Variants in TANK observed in about 807,000 individuals in gnomAD.
TANK encodes TRAF family member-associated NF-kappa-B activator.
Under a neutral mutation model 43.6 loss-of-function variants are expected in TANK, and 15 were observed. The ratio of observed to expected loss-of-function variants is 0.34; its 90% confidence interval spans 0.23 to 0.53. The LOEUF (loss-of-function observed/expected upper bound fraction) is 0.53. Ranked by LOEUF, TANK falls within the 20% of genes least tolerant of loss-of-function variation. The pLI is 0.94. For missense variants in TANK, 417 were observed against 498.6 expected, an observed-to-expected ratio of 0.84 and a Z score of 1.56; for synonymous variants, 162 against 178.2, an observed-to-expected ratio of 0.91 and a Z score of 0.73.
At chr2:161,185,264 C>G (rs1291746392) in intron 2 of TANK, among the ~76,000 whole-genome samples, 4 of 151,994 alleles carry the variant, frequency 2.6e-5, no homozygotes, top group Admixed American at 6.6e-5. Flanking sequence ...ACCAGATATC[C>G]AAGAAATCTA....
chr2:161,201,330 G>C, intron 2 of TANK: 1 of 886,744 alleles, frequency 1.1e-6, no homozygotes, highest in African/African-American at 1.8e-5. Flanking sequence ...ATGTGCTAAA[G>C]TATGTTTTTT....
At chr2:161,185,627 C>T (rs1685623093) in intron 2 of TANK, among the ~76,000 whole-genome samples, 2 of 147,186 alleles carry the variant, frequency 1.4e-5, no homozygotes, top group Non-Finnish European at 1.5e-5. Context: ...AAACCAAACA[C>T]CGCATATTCT....
chr2:161,221,695 A>C (rs1687352903), intron 4 of TANK, among the ~76,000 whole-genome samples: 1 of 151,544 alleles, frequency 6.6e-6, no homozygotes, highest in African/African-American at 2.4e-5. Flanking sequence ...GTAACATGTT[A>C]AGAGGTGCCT....
intron 1 of TANK, among the ~76,000 whole-genome samples, chr2:161,153,343 T>G: frequency 6.6e-6 from 1 of 152,048 alleles, no homozygotes. Context: ...GCCTTCTCAG[T>G]ATGAACTTTT....
At position 161,204,751 on chromosome 2, in the gene TANK, A is replaced by G. The variant is rs1278266495; in HGVS notation, c.285A>G (p.Gln95=). The G allele has an allele frequency of 3.1e-6, 5 of 1,606,366 alleles. No homozygotes were observed. The highest frequency in any genetic ancestry group is 2.3e-5 in the East Asian group (1 of 44,258). Residue 95 remains glutamine (Q), a synonymous_variant, in exon 4 of 8, where the codon CAA becomes CAG. Transcript: ENST00000392749. ...RKNNLTLDQP[Q]DKVISGIARE... ...ATAATTTGACTCTTGATCAGCCACAAGATAAAGTGATTTCAGGAATAGCAA... is the reference window on the plus strand; with the variant it reads ...ATAATTTGACTCTTGATCAGCCACAGGATAAAGTGATTTCAGGAATAGCAA...
At chr2:161,230,356 A>T (rs1006803451) in intron 6 of TANK, among the ~76,000 whole-genome samples, 4 of 152,096 alleles carry the variant, frequency 2.6e-5, no homozygotes, top group Non-Finnish European at 4.4e-5. Context: ...GGTCTTTTTT[A>T]AAAAAAGATA....
chr2:161,216,519 G>T, intron 4 of TANK: 5 of 404,918 alleles, frequency 1.2e-5, no homozygotes, highest in East Asian at 8.3e-5. Flanking sequence ...TTTGATAAAT[G>T]TTCATTCCCC....
intron 1 of TANK, among the ~76,000 whole-genome samples, chr2:161,150,105 T>C (rs1005795937): frequency 2.0e-5 from 3 of 152,168 alleles, no homozygotes; most frequent in Non-Finnish European, 2.9e-5. Flanking sequence ...TATCTGGTCC[T>C]GATGGCTTCT....
Position 161,204,698 on chromosome 2 carries a change from C to T in TANK, c.232C>T (p.Leu78=). ...TQDNNYGCVP[L]LEDSETRKNN... is the part of the protein sequence containing the mutation. Reference sequence around the variant, plus strand: ...AGATAACAATTATGGCTGTGTTCCTCTGCTTGAAGACAGTGAAACAAGAAA... The same window carrying T: ...AGATAACAATTATGGCTGTGTTCCTTTGCTTGAAGACAGTGAAACAAGAAA... Residue 78 remains leucine, a synonymous_variant, in exon 4 of 8, where the codon CTG becomes TTG. Transcript: ENST00000392749. The T allele has an allele frequency of 6.2e-7, 1 of 1,610,202 alleles. No homozygotes were observed. Among genetic ancestry groups the T allele is most frequent in the East Asian group, 2.3e-5 (1 of 44,440 alleles).
intron 2 of TANK, chr2:161,201,291 A>G: frequency 3.3e-6 from 3 of 912,202 alleles, no homozygotes; most frequent in Non-Finnish European, 3.9e-6. Flanking sequence ...TTTCAGGATT[A>G]TTTATTTATT....
At chr2:161,197,620 G>A (rs57635927) in intron 2 of TANK, 5,641 of 155,518 alleles carry the variant, frequency 0.036, 223 homozygotes, top group East Asian at 0.17. Context: ...GTCTGGTGAG[G>A]GCCCAGTCTC....
chr2:161,160,501 T>G lies in TANK; in HGVS notation c.-50+15T>G. ...GCGTGAACTGTGTGAGTAAGAAACT[T>G]TGTGAATTGGTGTGTCCGAATCCGT... is the stretch of plus-strand genomic sequence containing the variant. On this transcript the variant is annotated intron_variant, in intron 1 of 7. Coordinates refer to ENST00000392749, the MANE Select transcript of TANK (RefSeq NM_001199135.3). The G allele has an allele frequency of 1.6e-6, 2 of 1,255,322 alleles. No individual in the cohort carries two copies. Among genetic ancestry groups the G allele is most frequent in the Non-Finnish European group, 2.0e-6 (2 of 998,522 alleles). The allele number at this position is 1,255,322 out of a possible 1,614,324, so 77.8% of individuals were successfully genotyped here. A position where few individuals can be genotyped will look rare whatever the true frequency, so the allele number is the denominator to read the frequency against.
chr2:161,182,058 TCA>T (rs1484036457), intron 2 of TANK, among the ~76,000 whole-genome samples: 48 of 152,064 alleles, frequency 3.2e-4, no homozygotes, highest in African/African-American at 1.1e-3. Flanking sequence ...CAGGAGAACG[TCA>T]CAGAATTGAA....
chr2:161,225,390 T>C (rs150791391), intron 6 of TANK, among the ~76,000 whole-genome samples: 181 of 152,322 alleles, frequency 1.2e-3, no homozygotes, highest in African/African-American at 4.2e-3. Flanking sequence ...TCAAATTTCC[T>C]GAGTGCTAGT....
At chr2:161,153,660 C>T (rs1158569856) in intron 1 of TANK, among the ~76,000 whole-genome samples, 1 of 133,030 alleles carries the variant, frequency 7.5e-6, no homozygotes, top group African/African-American at 2.8e-5. Flanking sequence ...GCACTCCAGC[C>T]TGGGTGACAA....
intron 4 of TANK, chr2:161,207,560 A>G (rs1182839722): frequency 1.7e-5 from 17 of 984,016 alleles, no homozygotes; most frequent in Non-Finnish European, 2.1e-5. Flanking sequence ...AAAAGAATGG[A>G]TAAATTAGAT....
chr2:161,216,561 G>T (rs1030005520), intron 4 of TANK: 7 of 180,150 alleles, frequency 3.9e-5, no homozygotes, highest in South Asian at 1.7e-4. Context: ...GGTCTTGGTA[G>T]TTTATTTTTT....
chr2:161,166,866 C>T (rs999832776), intron 1 of TANK, among the ~76,000 whole-genome samples: 1 of 152,142 alleles, frequency 6.6e-6, no homozygotes, highest in South Asian at 2.1e-4. Flanking sequence ...TCTTTATGTA[C>T]TACAGTGGCA....
chr2:161,151,258 G>A (rs1684072963), intron 1 of TANK, among the ~76,000 whole-genome samples: 1 of 152,120 alleles, frequency 6.6e-6, no homozygotes, highest in Non-Finnish European at 1.5e-5. Context: ...CTTTTTTGGG[G>A]TGGAATGCTC....
Sources: allele counts gnomAD v4.1 joint callset (sites outside exome capture counted in the v4.1 genomes callset), GRCh38; gene constraint gnomAD v4.1.1; transcripts MANE v1.5; gene names NCBI Gene and HGNC (gene_info 2026-07-23, HGNC 2026-07-21).